The following HHAT variants were observed in gnomAD, a reference collection of about 807,000 sequenced individuals.
The protein encoded by HHAT is hedgehog acyltransferase.
HHAT carries 47 observed loss-of-function variants against 70.8 expected under a neutral mutation model. That is an observed-to-expected ratio of 0.66 (90% CI 0.53 to 0.85). The LOEUF (loss-of-function observed/expected upper bound fraction) is 0.85. Ranked by LOEUF, HHAT falls within the 40% of genes least tolerant of loss-of-function variation. The pLI, the probability that HHAT is intolerant of heterozygous loss-of-function variation, is 0.00. For missense variants in HHAT, 609 were observed against 604.8 expected (o/e 1.01, Z -0.07); for synonymous variants, 228 against 247.6 (o/e 0.92, Z 0.74).
intron 9 of HHAT, among the ~76,000 whole-genome samples, chr1:210,582,596 C>T (rs772932876): frequency 3.3e-5 from 5 of 152,176 alleles, no homozygotes; most frequent in Non-Finnish European, 7.3e-5. Context: ...CCCTGTCTCC[C>T]ACTGTAGGGC....
chr1:210,544,804 C>T (rs1249212709), intron 9 of HHAT, among the ~76,000 whole-genome samples: 1 of 152,174 alleles, frequency 6.6e-6, no homozygotes, highest in Non-Finnish European at 1.5e-5. Flanking sequence ...TATCTTATCT[C>T]TTCAGTAGTT....
intron 11 of HHAT, among the ~76,000 whole-genome samples, chr1:210,661,570 C>A (rs900311626): frequency 6.6e-6 from 1 of 152,126 alleles, no homozygotes; most frequent in East Asian, 1.9e-4. Context: ...CAAAGGATTA[C>A]AAATCATGCT....
At chr1:210,653,416 G>C (rs1334027321) in intron 11 of HHAT, among the ~76,000 whole-genome samples, 2 of 152,046 alleles carry the variant, frequency 1.3e-5, no homozygotes, top group Non-Finnish European at 2.9e-5. Flanking sequence ...CAGCTACTTG[G>C]GGGAGAGGGG....
chr1:210,492,896 A>G (rs2148517618), intron 8 of HHAT, among the ~76,000 whole-genome samples: 1 of 152,286 alleles, frequency 6.6e-6, no homozygotes, highest in East Asian at 1.9e-4. Context: ...GGATGGGTTC[A>G]GATGCCAAAT....
intron 4 of HHAT, among the ~76,000 whole-genome samples, chr1:210,395,772 CTG>C (rs1256460169): frequency 6.6e-6 from 1 of 152,166 alleles, no homozygotes; most frequent in Non-Finnish European, 1.5e-5. Flanking sequence ...CCACATTTTA[CTG>C]CTATTTTCTT....
At chr1:210,340,661 T>C (rs1344270459) in intron 1 of HHAT, among the ~76,000 whole-genome samples, 3 of 152,220 alleles carry the variant, frequency 2.0e-5, no homozygotes, top group Non-Finnish European at 4.4e-5. Context: ...AAGGAATGTA[T>C]GTGAGTTAGA....
intron 11 of HHAT, among the ~76,000 whole-genome samples, chr1:210,667,724 T>C (rs1005068577): frequency 2.0e-5 from 3 of 152,158 alleles, no homozygotes; most frequent in African/African-American, 7.2e-5. Context: ...ACCCCCGATA[T>C]GCTTTTTGTA....
At chr1:210,673,194 C>T (rs1424279081) in intron 11 of HHAT, among the ~76,000 whole-genome samples, 3 of 152,132 alleles carry the variant, frequency 2.0e-5, no homozygotes, top group Admixed American at 6.5e-5. Context: ...GGACAAGCCA[C>T]GTCTGCATGT....
intron 3 of HHAT, among the ~76,000 whole-genome samples, chr1:210,371,137 C>T (rs899358518): frequency 6.6e-6 from 1 of 152,050 alleles, no homozygotes; most frequent in Admixed American, 6.6e-5. Context: ...CATCACCAAT[C>T]ATGGGTTTCT....
At chr1:210,609,737 C>T (rs1241720105) in intron 10 of HHAT, among the ~76,000 whole-genome samples, 1 of 152,132 alleles carries the variant, frequency 6.6e-6, no homozygotes, top group Non-Finnish European at 1.5e-5. Context: ...CATTCAGCTC[C>T]CACTTATAAG....
At chr1:210,486,819 A>G (rs2473622) in intron 8 of HHAT, among the ~76,000 whole-genome samples, 48,678 of 151,938 alleles carry the variant, frequency 0.32, 8,024 homozygotes, top group South Asian at 0.45. Context: ...TATTGGCTTG[A>G]GCAATGGGCA....
At chr1:210,524,178 T>G (rs1031409125) in intron 9 of HHAT, among the ~76,000 whole-genome samples, 12 of 152,242 alleles carry the variant, frequency 7.9e-5, no homozygotes, top group South Asian at 2.1e-4. Context: ...AGCGTGTGCC[T>G]GTAGTTATCA....
chr1:210,519,479 A>ATG (rs2095115525), intron 9 of HHAT, among the ~76,000 whole-genome samples: 1 of 150,870 alleles, frequency 6.6e-6, no homozygotes, highest in East Asian at 1.9e-4. Flanking sequence ...ACAGTGTGCA[A>ATG]TGTAAAGAGT....
At chr1:210,527,221 G>A (rs2095260827) in intron 9 of HHAT, among the ~76,000 whole-genome samples, 1 of 152,086 alleles carries the variant, frequency 6.6e-6, no homozygotes. Context: ...GGCTGGCTCA[G>A]CACCCAGCTC....
intron 10 of HHAT, chr1:210,590,209 A>G (rs1661349383): frequency 6.6e-6 from 1 of 152,176 alleles, no homozygotes; most frequent in South Asian, 2.1e-4. Flanking sequence ...TTTCTTATGT[A>G]GTTCCACACA....
chr1:210,637,575 TG>T (rs1288691650), intron 11 of HHAT, among the ~76,000 whole-genome samples: 1 of 152,120 alleles, frequency 6.6e-6, no homozygotes, highest in African/African-American at 2.4e-5. Flanking sequence ...CAATTAAAAA[TG>T]GGCAACCGGG....
intron 7 of HHAT, among the ~76,000 whole-genome samples, chr1:210,431,251 A>T (rs1441910659): frequency 6.6e-6 from 1 of 151,724 alleles, no homozygotes; most frequent in African/African-American, 2.4e-5. Flanking sequence ...ATCTGGATTT[A>T]TGTGGGCTGT....
intron 11 of HHAT, among the ~76,000 whole-genome samples, chr1:210,649,126 G>T (rs1380798990): frequency 6.6e-6 from 1 of 152,190 alleles, no homozygotes; most frequent in Non-Finnish European, 1.5e-5. Flanking sequence ...GGGATGTTTA[G>T]CATACATTTG....
At chr1:210,374,137 T>C (rs930115678) in intron 3 of HHAT, 8 of 152,080 alleles carry the variant, frequency 5.3e-5, no homozygotes, top group Admixed American at 6.5e-5. Context: ...TTTAAGTCTT[T>C]TTTTATAAAA....
Sources: allele counts gnomAD v4.1 joint callset (sites outside exome capture counted in the v4.1 genomes callset), GRCh38; gene constraint gnomAD v4.1.1; transcripts MANE v1.5; gene names NCBI Gene and HGNC (gene_info 2026-07-23, HGNC 2026-07-21).